Variants in FGFR3 observed in about 807,000 individuals in gnomAD.
FGFR3 encodes FGFR-3.
In FGFR3, 25 loss-of-function variants were observed where a neutral mutation model predicts 82.9. That is an observed-to-expected ratio of 0.30 (90% CI 0.22 to 0.42). FGFR3 has a LOEUF of 0.42. Ranked by LOEUF, FGFR3 falls within the 10% of genes least tolerant of loss-of-function variation. The pLI, the probability that FGFR3 is intolerant of heterozygous loss-of-function variation, is 1.00. For missense variants in FGFR3, 1,026 were observed against 1,161.0 expected (o/e 0.88, Z 1.69); for synonymous variants, 620 against 516.0 (o/e 1.20, Z -2.73).
Position 1,799,345 on chromosome 4 carries a change from T to A in FGFR3, c.201T>A (p.Gly67=), listed in dbSNP as rs752621056. ...VELSCPPPGG[G]PMGPTVWVKD... ...TGAGCTGTCCCCCGCCCGGGGGTGG[T>A]CCCATGGGGCCCACTGTCTGGGTCA... The change falls in exon 3 of 18, where the codon GGT becomes GGA. Residue 67 remains glycine, a synonymous_variant. Transcript: ENST00000440486. 2 of 1,612,446 alleles carry A rather than the reference T, an allele frequency of 1.2e-6. No homozygotes were observed. Among genetic ancestry groups the A allele is most frequent in the Non-Finnish European group, 1.7e-6 (2 of 1,179,846 alleles).
In FGFR3 at chr4:1,806,301, C is replaced by T. The variant is rs2108809016; in HGVS notation, c.2004C>T (p.Asp668=). 6.2e-7 allele frequency: 1 copy of T among 1,612,992 alleles called. No homozygotes were observed. Among genetic ancestry groups the T allele is most frequent in the South Asian group, 1.1e-5 (1 of 91,088 alleles). The change falls in exon 15 of 18, where the codon GAC becomes GAT. Residue 668 remains aspartate (D), a synonymous_variant. Coordinates refer to ENST00000440486, the MANE Select transcript of FGFR3 (RefSeq NM_000142.5). ...VKWMAPEALF[D]RVYTHQSDVW... is the part of the protein sequence containing the mutation. ...GGATGGCGCCTGAGGCCTTGTTTGA[C>T]CGAGTCTACACTCACCAGAGTGACG...
rs1721599930 is a variant in FGFR3, at chr4:1,804,380, A to T, written c.1126A>T (p.Ile376Phe). The T allele has an allele frequency of 6.2e-7, 1 of 1,612,842 alleles. No homozygotes were observed. The highest frequency in any genetic ancestry group is 1.3e-5 in the African/African-American group (1 of 74,880). ...ADEAGSVYAG[I>F]LSYGVGFFLF... Reference sequence around the variant, plus strand: ...CGAGGCGGGCAGTGTGTATGCAGGCATCCTCAGCTACGGGGTGGGCTTCTT... The same window carrying T: ...CGAGGCGGGCAGTGTGTATGCAGGCTTCCTCAGCTACGGGGTGGGCTTCTT... The change falls in exon 9 of 18, where the codon ATC becomes TTC. Residue 376 changes from isoleucine (I) to phenylalanine (F), a missense_variant. Coordinates refer to ENST00000440486, the MANE Select transcript of FGFR3 (RefSeq NM_000142.5).
intron 2 of FGFR3, among the ~76,000 whole-genome samples, chr4:1,798,224 A>C (rs1577263994): frequency 6.6e-6 from 1 of 151,260 alleles, no homozygotes; most frequent in African/African-American, 2.4e-5. Context: ...GTGGGCCCCC[A>C]CCCCAGCTTC....
In FGFR3 at chr4:1,804,851, A is replaced by G; in HGVS notation, c.1294A>G (p.Ser432Gly). The change falls in exon 10 of 18, where the codon AGC becomes GGC. Residue 432 changes from serine (S) to glycine (G), a missense_variant. Physicochemically the swap from Ser to Gly is moderately conservative, Grantham distance 56. This residue lies in a region of FGFR3 where 256 missense variants were observed against 217.6 expected (regional missense o/e 1.18). Coordinates refer to ENST00000440486, the MANE Select transcript of FGFR3 (RefSeq NM_000142.5). ...QVSLESNASM[S>G]SNTPLVRIAR... ...GTCCCTGGAGTCCAACGCGTCCATG[A>G]GCTCCAACACACCACTGGTGCGCAT... 1 of 1,549,904 alleles carries G rather than the reference A, an allele frequency of 6.5e-7. No homozygotes were observed. Among genetic ancestry groups the G allele is most frequent in the Non-Finnish European group, 8.7e-7 (1 of 1,146,898 alleles).
intron 3 of FGFR3, 53 bp downstream of exon 3, chr4:1,799,576 T>C (rs1020508664): frequency 3.9e-6 from 6 of 1,549,710 alleles, no homozygotes; most frequent in Admixed American, 3.9e-5. Context: ...CCGGGCTCCC[T>C]GAGTCCCTGC....
chr4:1,798,027 C>T (rs1347898414), intron 2 of FGFR3, among the ~76,000 whole-genome samples: 4 of 152,132 alleles, frequency 2.6e-5, no homozygotes, highest in Admixed American at 6.5e-5. Context: ...CACCCACCCC[C>T]GTCCCGGCCC....
intron 2 of FGFR3, among the ~76,000 whole-genome samples, chr4:1,798,952 A>C (rs1327914720): frequency 6.6e-6 from 1 of 152,202 alleles, no homozygotes; most frequent in Non-Finnish European, 1.5e-5. Context: ...TGAGATTTGA[A>C]TTCTCCGTGT....
chr4:1,800,235 G>T (rs1721023351), intron 4 of FGFR3, among the ~76,000 whole-genome samples: 1 of 152,084 alleles, frequency 6.6e-6, no homozygotes, highest in African/African-American at 2.4e-5. Flanking sequence ...ACAACCAGTG[G>T]CGGGCAGGGT....
intron 16 of FGFR3, 29 bp downstream of exon 16, chr4:1,806,712 G>T (rs1420230863): frequency 1.2e-6 from 2 of 1,610,636 alleles, no homozygotes; most frequent in Non-Finnish European, 1.7e-6. Context: ...CCTCCACTGG[G>T]TCCTCAGGGG....
At position 1,806,253 on chromosome 4, in the gene FGFR3, C is replaced by T. The variant is rs746031024; in HGVS notation, c.1960-4C>T. On this transcript the variant is annotated splice_polypyrimidine_tract_variant and splice_region_variant and intron_variant, in intron 14 of 17. Transcript: ENST00000440486. ...GCCAACACCGCCTTCCCACACCCTCCCAGGGCCGGCTGCCCGTGAAGTGGA... is the reference window on the plus strand; with the variant it reads ...GCCAACACCGCCTTCCCACACCCTCTCAGGGCCGGCTGCCCGTGAAGTGGA... The T allele has an allele frequency of 2.5e-6, 4 of 1,612,988 alleles. No individual in the cohort carries two copies. The South Asian group carries it at 3.3e-5, about 13-fold the overall frequency.
chr4:1,805,791 C>T lies in FGFR3; in HGVS notation c.1687C>T (p.Leu563=), dbSNP rs766793731. 1.9e-6 allele frequency: 3 copies of T among 1,612,688 alleles called. No individual in the cohort carries two copies. Among genetic ancestry groups the T allele is most frequent in the South Asian group, 1.1e-5 (1 of 91,068 alleles). ...GGTGGAGTACGCGGCCAAGGGTAACCTGCGGGAGTTTCTGCGGGCGCGGCG... is the reference window on the plus strand; with the variant it reads ...GGTGGAGTACGCGGCCAAGGGTAACTTGCGGGAGTTTCTGCGGGCGCGGCG... ...VLVEYAAKGN[L]REFLRARRPP... is the part of the protein sequence containing the mutation. The change falls in exon 13 of 18, where the codon CTG becomes TTG. Residue 563 remains leucine, a synonymous_variant. Coordinates refer to ENST00000440486, the MANE Select transcript of FGFR3 (RefSeq NM_000142.5).
At chr4:1,804,608 G>A in intron 9 of FGFR3, 88 bp downstream of exon 9, 1 of 1,555,750 alleles carries the variant, frequency 6.4e-7, no homozygotes, top group Non-Finnish European at 8.8e-7. Context: ...CCTGGGCTGT[G>A]TGAGCCCTCT....
At position 1,804,493 on chromosome 4, in the gene FGFR3, G is replaced by A. The variant is rs140898926; in HGVS notation, c.1239G>A (p.Lys413=). ...KKGLGSPTVH[K]ISRFPLKRQV... ...GCCTGGGCTCCCCCACCGTGCACAAGATCTCCCGCTTCCCGCTCAAGCGAC... is the reference window on the plus strand; with the variant it reads ...GCCTGGGCTCCCCCACCGTGCACAAAATCTCCCGCTTCCCGCTCAAGCGAC... The change falls in exon 9 of 18, where the codon AAG becomes AAA. Residue 413 remains lysine (K), a synonymous_variant. Transcript: ENST00000440486. 6.2e-7 allele frequency: 1 copy of A among 1,612,948 alleles called. No homozygotes were observed.
intron 4 of FGFR3, 35 bp downstream of exon 4, chr4:1,799,847 G>A (rs1560409732): frequency 1.2e-6 from 2 of 1,608,246 alleles, no homozygotes; most frequent in African/African-American, 1.3e-5. Context: ...GCCAGCCGGG[G>A]TGGGGCCCGC....
intron 16 of FGFR3, 34 bp from the exon 17 acceptor site, chr4:1,806,795 C>T (rs747714137): frequency 2.1e-5 from 34 of 1,581,492 alleles, no homozygotes; most frequent in Admixed American, 8.9e-5. Context: ...AGGCGGGAAG[C>T]GGCGGGGCTC....
intron 10 of FGFR3, 93 bp downstream of exon 10, chr4:1,805,062 C>G (rs1022576364): frequency 4.3e-5 from 63 of 1,455,820 alleles, no homozygotes; most frequent in Non-Finnish European, 5.6e-5. Context: ...GTTTAGGGGC[C>G]GTCAGGGATG....
At chr4:1,804,262 C>T in intron 8 of FGFR3, 68 bp from the exon 9 acceptor site, 1 of 1,519,844 alleles carries the variant, frequency 6.6e-7, no homozygotes, top group East Asian at 2.3e-5. Context: ...GGCTCTGGGC[C>T]AGGGGCATCC....
chr4:1,795,615 G>T (rs1340399814), intron 2 of FGFR3, among the ~76,000 whole-genome samples: 3 of 152,232 alleles, frequency 2.0e-5, no homozygotes, highest in Non-Finnish European at 4.4e-5. Context: ...GCCTTGGCTC[G>T]CAGGGGTCAA....
In FGFR3 at chr4:1,807,400, C is replaced by CGTGT; in HGVS notation, c.*154_*157dup. ...GCTTTGGTCTGTGTGTGTGTGTGTG[C>CGTGT]GTGTGTGTGTGTGTGTGTGCACATC... On this transcript the variant is annotated 3_prime_UTR_variant, in exon 18 of 18. Transcript: ENST00000440486. The CGTGT allele has an allele frequency of 1.1e-6, 1 of 885,920 alleles. No individual in the cohort carries two copies. Among genetic ancestry groups the CGTGT allele is most frequent in the Non-Finnish European group, 1.7e-6 (1 of 572,660 alleles). 54.9% of individuals were successfully genotyped at this position (885,920 alleles called of 1,614,324 possible).
Sources: allele counts gnomAD v4.1 joint callset (sites outside exome capture counted in the v4.1 genomes callset), GRCh38; gene constraint gnomAD v4.1.1; regional missense constraint gnomAD v4.1.1; transcripts MANE v1.5; gene names NCBI Gene and HGNC (gene_info 2026-07-23, HGNC 2026-07-21).